VBP1: variants seen among roughly 807,000 people sequenced by gnomAD.
VBP1 encodes the protein prefoldin subunit 3.
A neutral mutation model predicts 15.5 loss-of-function variants in VBP1; 4 were observed. The ratio of observed to expected loss-of-function variants is 0.26; its 90% CI spans 0.13 to 0.59. The LOEUF is 0.59. VBP1 is among the 20% of genes least tolerant of loss of function. The probability of loss-of-function intolerance (pLI) is 0.90; values close to 1 mark genes in which losing one functional copy is unlikely to be tolerated. For missense variants in VBP1, 108 were observed against 139.6 expected, an observed-to-expected ratio of 0.77 and a Z score of 1.14; for synonymous variants, 61 against 52.1, an observed-to-expected ratio of 1.17 and a Z score of -0.74.
chrX:155,217,157 TG>T (rs1557309115), intron 1 of VBP1, among the ~76,000 whole-genome samples: 1 of 111,298 alleles, frequency 9.0e-6, no homozygotes, highest in African/African-American at 3.3e-5. Context: ...GGCAACGGGC[TG>T]TCATCAGAAG....
intron 4 of VBP1, among the ~76,000 whole-genome samples, chrX:155,229,767 C>T (rs936526937): frequency 9.8e-5 from 11 of 112,233 alleles, no homozygotes; most frequent in African/African-American, 3.6e-4. Flanking sequence ...TAGACTGGCA[C>T]TTCCCACAAT....
chrX:155,199,020 T>G (rs879970324), intron 1 of VBP1, among the ~76,000 whole-genome samples: 1 of 110,531 alleles, frequency 9.0e-6, no homozygotes, highest in Admixed American at 9.6e-5. Context: ...TGATGGAAGA[T>G]GAAATGAATG....
intron 1 of VBP1, among the ~76,000 whole-genome samples, chrX:155,201,928 C>T (rs1557307527): frequency 8.9e-6 from 1 of 111,743 alleles, no homozygotes. Context: ...GATACAAAAT[C>T]AATGTGCAAA....
chrX:155,225,451 C>T (rs1040135240), intron 2 of VBP1, among the ~76,000 whole-genome samples: 10 of 112,002 alleles, frequency 8.9e-5, no homozygotes, highest in Non-Finnish European at 5.6e-5. Context: ...CCACCCGCTT[C>T]GGCCTCCCAA....
At chrX:155,235,833 T>TC (rs1557311498) in intron 4 of VBP1, among the ~76,000 whole-genome samples, 1 of 112,314 alleles carries the variant, frequency 8.9e-6, no homozygotes, top group Non-Finnish European at 1.9e-5. Flanking sequence ...ATCCTGATTC[T>TC]CCCATTTACC....
intron 2 of VBP1, among the ~76,000 whole-genome samples, chrX:155,221,387 G>T (rs1429957399): frequency 1.8e-5 from 2 of 110,724 alleles, no homozygotes; most frequent in Non-Finnish European, 3.8e-5. Context: ...TGTGGTCACA[G>T]CTCCTCTAGA....
upstream of VBP1, chrX:155,216,266 C>G: frequency 1.4e-6 from 1 of 735,695 alleles, no homozygotes; most frequent in Non-Finnish European, 1.9e-6. Flanking sequence ...TCTTTCGCGG[C>G]CCTTCCACGC....
intron 4 of VBP1, among the ~76,000 whole-genome samples, chrX:155,234,293 G>A (rs1557311271): frequency 2.8e-5 from 3 of 108,582 alleles, no homozygotes; most frequent in Admixed American, 9.9e-5. Flanking sequence ...GCTAATTTTT[G>A]TATTTTTAGT....
At chrX:155,214,949 T>C (rs1269189858), upstream of VBP1, among the ~76,000 whole-genome samples, 1 of 110,496 alleles carries the variant, frequency 9.1e-6, no homozygotes. Flanking sequence ...CTTCTGTTTG[T>C]ACCTGTAAGG....
rs143240002 is a variant in VBP1 at position 155,235,751 on chromosome X, A to G, written c.385-478A>G. ...CTCAGAATTTATTTAAATTGATACA[A>G]ACAACACTATTTAGTTTCACGATGG... On this transcript the variant is annotated intron_variant, in intron 4 of 5. Transcript: ENST00000286428. Among the ~76,000 whole-genome samples, 399 of 112,247 alleles carry G rather than the reference A, an allele frequency of 3.6e-3. 2 individuals carry two copies. Among genetic ancestry groups the G allele is most frequent in the African/African-American group, 0.012 (382 of 30,891 alleles).
intron 5 of VBP1, among the ~76,000 whole-genome samples, chrX:155,237,848 T>C (rs2074781087): frequency 8.9e-6 from 1 of 111,872 alleles, no homozygotes; most frequent in South Asian, 3.7e-4. Context: ...AACCGTGAGC[T>C]CTTCAGATGT....
chrX:155,200,936 C>T (rs1315077719), intron 1 of VBP1, among the ~76,000 whole-genome samples: 72 of 109,709 alleles, frequency 6.6e-4, no homozygotes, highest in Middle Eastern at 4.7e-3. Flanking sequence ...ATATCACCAC[C>T]GATCCCACAG....
chrX:155,223,619 A>G (rs1427774781), intron 2 of VBP1, among the ~76,000 whole-genome samples: 3 of 112,184 alleles, frequency 2.7e-5, no homozygotes, highest in Non-Finnish European at 3.8e-5. Context: ...CACAGCAACA[A>G]TCTGATCTCT....
upstream of VBP1, among the ~76,000 whole-genome samples, chrX:155,212,286 G>A (rs1331814653): frequency 3.6e-5 from 4 of 112,046 alleles, no homozygotes; most frequent in African/African-American, 1.3e-4. Context: ...TCAGGAACAT[G>A]AAAGCAGAGT....
chrX:155,208,147 T>C (rs2074632318), intron 1 of VBP1, among the ~76,000 whole-genome samples: 1 of 112,192 alleles, frequency 8.9e-6, no homozygotes, highest in Non-Finnish European at 1.9e-5. Context: ...TCAATGAGGG[T>C]CCATTTAATG....
intron 2 of VBP1, among the ~76,000 whole-genome samples, chrX:155,226,472 G>A (rs1430391315): frequency 9.0e-6 from 1 of 111,535 alleles, no homozygotes; most frequent in South Asian, 3.8e-4. Flanking sequence ...AAGAACGATC[G>A]TTACCTCATT....
At chrX:155,211,331 C>T (rs782104936) in intron 2 of VBP1, among the ~76,000 whole-genome samples, 65 of 112,238 alleles carry the variant, frequency 5.8e-4, no homozygotes, top group Non-Finnish European at 1.1e-3. Flanking sequence ...GCACATTGTA[C>T]ATGCTCCACA....
intron 1 of VBP1, among the ~76,000 whole-genome samples, chrX:155,202,944 C>T (rs782057631): frequency 2.7e-5 from 3 of 111,628 alleles, no homozygotes; most frequent in South Asian, 3.7e-4. Context: ...AAAAAGTGGG[C>T]GAAGGACATG....
chrX:155,238,254 A>T (rs2074783249), intron 5 of VBP1, among the ~76,000 whole-genome samples: 1 of 112,134 alleles, frequency 8.9e-6, no homozygotes, highest in Middle Eastern at 4.6e-3. Context: ...CTGGAGTCTA[A>T]GCTCCACGAG....
Sources: gnomAD v4.1 joint callset for allele counts (sites outside exome capture counted in the v4.1 genomes callset) on GRCh38, gnomAD v4.1.1 for gene constraint, MANE v1.5 for transcripts, NCBI Gene and HGNC (gene_info 2026-07-23, HGNC 2026-07-21) for gene names.